DENND2B: variants seen among roughly 807,000 people sequenced by gnomAD.
DENND2B encodes the protein DENN domain containing 2B.
DENND2B carries 32 observed loss-of-function variants against 116.0 expected under a neutral mutation model. The ratio of observed to expected loss-of-function variants is 0.28; its 90% confidence interval spans 0.21 to 0.37. DENND2B has a LOEUF of 0.37. Among genes scored for constraint, DENND2B ranks in the 10% least tolerant of loss-of-function variants. The pLI, the probability that DENND2B is intolerant of heterozygous loss-of-function variation, is 1.00. For synonymous variants in DENND2B, 588 were observed against 583.9 expected (o/e 1.01, Z -0.10); for missense variants, 1,276 against 1,477.7 (o/e 0.86, Z 2.24).
intron 1 of DENND2B, among the ~76,000 whole-genome samples, chr11:8,759,987 T>TCC (rs2054315249): frequency 6.6e-6 from 1 of 152,178 alleles, no homozygotes; most frequent in African/African-American, 2.4e-5. Flanking sequence ...TTCTGGATCC[T>TCC]CCCATCAGCC....
At chr11:8,695,437 ATC>A in intron 19 of DENND2B, 24 bp downstream of exon 19, 7 of 1,600,348 alleles carry the variant, frequency 4.4e-6, no homozygotes, top group Non-Finnish European at 5.1e-6. Flanking sequence ...CTGAACATCT[ATC>A]TCATCAGTAA....
chr11:8,824,690 A>ATT (rs777570022), intron 4 of DENND2B, among the ~76,000 whole-genome samples: 4 of 143,432 alleles, frequency 2.8e-5, no homozygotes, highest in Admixed American at 7.0e-5. Context: ...ATCAAACAAA[A>ATT]TTTTTTTTTT....
chr11:8,828,686 A>G (rs530692848), intron 4 of DENND2B, among the ~76,000 whole-genome samples: 2 of 152,232 alleles, frequency 1.3e-5, no homozygotes, highest in East Asian at 3.9e-4. Flanking sequence ...AAAGCTCCAG[A>G]AGGACTCCAG....
chr11:8,705,595 T>C (rs1019917798), intron 13 of DENND2B, among the ~76,000 whole-genome samples: 10 of 152,196 alleles, frequency 6.6e-5, no homozygotes, highest in African/African-American at 2.4e-4. Context: ...GGGGGTCTCA[T>C]GGGCATCTCA....
At position 8,698,946 on chromosome 11, in the gene DENND2B, C is replaced by G. The variant is rs765239903; in HGVS notation, c.2927G>C (p.Arg976Pro). ...CCACCCTCTTACCTGTCGGATGAAT[C>G]GGTCAGATCCCAGATTCACCATCAG... is the stretch of plus-strand genomic sequence containing the variant. ...EALMVNLGSD[R>P]FIRQMDDEDT... is the part of the protein sequence containing the mutation. The change falls in exon 16 of 20, where the codon CGA (arginine) becomes CCA (proline). Residue 976 changes from arginine (R) to proline (P), a missense_variant. Arg to Pro is a moderately radical substitution (Grantham distance 103). Transcript: ENST00000313726. The G allele has an allele frequency of 1.2e-6, 2 of 1,614,144 alleles. No homozygotes were observed. The highest frequency in any genetic ancestry group is 1.7e-6 in the Non-Finnish European group (2 of 1,180,036).
chr11:8,771,457 T>C (rs1471463595), intron 1 of DENND2B, among the ~76,000 whole-genome samples: 1 of 151,726 alleles, frequency 6.6e-6, no homozygotes, highest in Non-Finnish European at 1.5e-5. Flanking sequence ...ATGTATTCCA[T>C]ATATAAAATA....
rs560595968 is a variant in DENND2B, at chr11:8,869,129, C to T, written c.-250+1825G>A. On this transcript the variant is annotated intron_variant, in intron 2 of 6. Coordinates refer to the DENND2B transcript ENST00000524757. ...AGCCAATTGATCTGAAATTATCCTTCACTCAAATGTCACTTCTCTTTCCCC... is the reference window on the plus strand; with the variant it reads ...AGCCAATTGATCTGAAATTATCCTTTACTCAAATGTCACTTCTCTTTCCCC... Among the ~76,000 whole-genome samples the T allele has an allele frequency of 2.5e-3, 380 of 152,346 alleles. 2 individuals are homozygous for T. Among genetic ancestry groups the T allele is most frequent in the African/African-American group, 8.2e-3 (341 of 41,592 alleles).
intron 4 of DENND2B, among the ~76,000 whole-genome samples, chr11:8,829,305 T>C (rs2062113031): frequency 6.6e-6 from 1 of 152,086 alleles, no homozygotes. Context: ...GCTGTGGTGA[T>C]GACTGGCCAC....
chr11:8,878,719 G>T (rs757082939), intron 2 of DENND2B, among the ~76,000 whole-genome samples: 14 of 152,126 alleles, frequency 9.2e-5, no homozygotes, highest in Non-Finnish European at 1.3e-4. Context: ...CTATACAGTG[G>T]AATATTATTT....
chr11:8,818,907 G>A (rs2061668519), intron 4 of DENND2B, among the ~76,000 whole-genome samples: 1 of 152,122 alleles, frequency 6.6e-6, no homozygotes, highest in Non-Finnish European at 1.5e-5. Flanking sequence ...TGTCCAAGAT[G>A]GGGTGTGTAT....
At chr11:8,701,925 G>A (rs940831130) in intron 14 of DENND2B, among the ~76,000 whole-genome samples, 10 of 151,852 alleles carry the variant, frequency 6.6e-5, no homozygotes, top group African/African-American at 1.7e-4. Flanking sequence ...CCAGCTCCCC[G>A]ACTTCCCTGG....
chr11:8,815,836 AAACG>A (rs2061552054), intron 4 of DENND2B, among the ~76,000 whole-genome samples: 1 of 152,196 alleles, frequency 6.6e-6, no homozygotes. Flanking sequence ...TGTGTGAGAT[AAACG>A]AATCATTGAA....
intron 1 of DENND2B, chr11:8,776,654 C>A (rs2057767152): frequency 5.2e-6 from 1 of 191,714 alleles, no homozygotes; most frequent in African/African-American, 2.3e-5. Context: ...TTCAAAGAAG[C>A]CACCACGGCC....
chr11:8,867,914 A>G (rs996361805), intron 2 of DENND2B, among the ~76,000 whole-genome samples: 1 of 152,144 alleles, frequency 6.6e-6, no homozygotes, highest in Admixed American at 6.6e-5. Flanking sequence ...ATAAGAGAAT[A>G]TGAGAGGAAA....
chr11:8,811,183 C>G (rs965519632), upstream of DENND2B: 1 of 397,850 alleles, frequency 2.5e-6, no homozygotes, highest in African/African-American at 2.1e-5. Flanking sequence ...TTTTTCCGGG[C>G]AGCAGTTGGG....
upstream of DENND2B, among the ~76,000 whole-genome samples, chr11:8,813,505 T>C (rs886273756): frequency 6.6e-6 from 1 of 152,160 alleles, no homozygotes; most frequent in Non-Finnish European, 1.5e-5. Context: ...ATCCTCAAAA[T>C]GCACATTCCA....
intron 4 of DENND2B, among the ~76,000 whole-genome samples, chr11:8,824,177 C>T (rs918311835): frequency 7.3e-5 from 11 of 150,984 alleles, no homozygotes; most frequent in African/African-American, 9.7e-5. Context: ...GCTGGGATTA[C>T]AGGCGTGAGC....
intron 1 of DENND2B, among the ~76,000 whole-genome samples, chr11:8,806,640 C>CACACACACACACACACA (rs1555201307): frequency 1.5e-3 from 14 of 9,294 alleles, no homozygotes; most frequent in Non-Finnish European, 5.9e-3. Context: ...ACACACACAC[C>CACACACACACACACACA]CAGGAGAGCT....
chr11:8,750,836 T>A (rs1593144212), intron 1 of DENND2B, 111 bp from the exon 2 acceptor site: 5 of 864,940 alleles, frequency 5.8e-6, no homozygotes, highest in Admixed American at 2.1e-5. Context: ...TGGCAGGTAG[T>A]AGAAACTGCT....
Sources: gnomAD v4.1 joint callset for allele counts (sites outside exome capture counted in the v4.1 genomes callset) on GRCh38, gnomAD v4.1.1 for gene constraint, MANE v1.5 for transcripts, NCBI Gene and HGNC (gene_info 2026-07-23, HGNC 2026-07-21) for gene names.